Variants in NCALD observed in about 807,000 individuals in gnomAD.
The protein encoded by NCALD is neurocalcin delta, also known as neurocalcin-delta.
A neutral mutation model predicts 18.6 loss-of-function variants in NCALD; 10 were observed. The ratio of observed to expected loss-of-function variants is 0.54; its 90% confidence interval spans 0.33 to 0.91. The LOEUF (loss-of-function observed/expected upper bound fraction) is 0.91, where lower values mean the gene tolerates loss of function less well. NCALD is among the 40% of genes least tolerant of loss of function. The pLI is 0.03. For missense variants in NCALD, 184 were observed against 247.6 expected (o/e 0.74, Z 1.72); for synonymous variants, 88 against 87.4 (o/e 1.01, Z -0.04).
intron 2 of NCALD, among the ~76,000 whole-genome samples, chr8:101,921,989 G>C (rs2131655913): frequency 6.6e-6 from 1 of 151,610 alleles, no homozygotes; most frequent in South Asian, 2.1e-4. Context: ...TATTGCCCAG[G>C]CTGGAATGCA....
intron 3 of NCALD, among the ~76,000 whole-genome samples, chr8:101,906,730 T>G (rs925513271): frequency 2.0e-5 from 3 of 152,142 alleles, no homozygotes; most frequent in African/African-American, 7.2e-5. Context: ...ACAGAGTGGG[T>G]CAAGAGAAAA....
Position 101,697,630 on chromosome 8 carries a change from C to T in NCALD, c.379-4734G>A, listed in dbSNP as rs563906767. Among the ~76,000 whole-genome samples, 5 of 152,142 alleles carry T rather than the reference C, an allele frequency of 3.3e-5. No individual in the cohort carries two copies. The East Asian group carries it at 9.7e-4, about 29-fold the overall frequency. On this transcript the variant is annotated intron_variant, in intron 2 of 3. Transcript: ENST00000220931. ...GTTGGCTTCATCCCTGGGATGAAGGCTAGTTCAACATATGCAAATAAATAA... is the reference window on the plus strand; with the variant it reads ...GTTGGCTTCATCCCTGGGATGAAGGTTAGTTCAACATATGCAAATAAATAA...
At chr8:102,016,469 C>G (rs1470186702) in intron 2 of NCALD, among the ~76,000 whole-genome samples, 1 of 152,168 alleles carries the variant, frequency 6.6e-6, no homozygotes, top group Admixed American at 6.5e-5. Flanking sequence ...AAGAGGTCCC[C>G]TTTGTGGAGC....
Position 101,770,332 on chromosome 8 carries a change from T to C in NCALD, c.-20+20530A>G, listed in dbSNP as rs118080662. Among the ~76,000 whole-genome samples the C allele has an allele frequency of 9.2e-3, 1,403 of 152,314 alleles. 12 individuals carry two copies. The highest frequency in any genetic ancestry group is 0.013 in the Non-Finnish European group (887 of 68,018). ...AAGCAGCTGCATATGCTTGACATACTAGACTAACCCCTTAAAGAAATGTCA... is the reference window on the plus strand; with the variant it reads ...AAGCAGCTGCATATGCTTGACATACCAGACTAACCCCTTAAAGAAATGTCA... On this transcript the variant is annotated intron_variant, in intron 1 of 3. Coordinates refer to ENST00000220931, the MANE Select transcript of NCALD (RefSeq NM_032041.3).
intron 1 of NCALD, among the ~76,000 whole-genome samples, chr8:102,046,856 C>T (rs1823263654): frequency 6.7e-6 from 1 of 148,612 alleles, no homozygotes; most frequent in African/African-American, 2.5e-5. Context: ...AGGTTTGTTA[C>T]ATAGTTGTTA....
intron 1 of NCALD, among the ~76,000 whole-genome samples, chr8:101,766,352 A>T (rs1811346045): frequency 9.2e-6 from 1 of 109,230 alleles, no homozygotes. Flanking sequence ...CAAATTCGCC[A>T]GACAGAAAAA....
At chr8:101,919,100 G>A (rs1818073118) in intron 2 of NCALD, among the ~76,000 whole-genome samples, 1 of 152,116 alleles carries the variant, frequency 6.6e-6, no homozygotes, top group Non-Finnish European at 1.5e-5. Context: ...GAACAAAGCT[G>A]GAGGCATCAC....
intron 4 of NCALD, among the ~76,000 whole-genome samples, chr8:101,833,009 T>C (rs1378516498): frequency 6.6e-6 from 1 of 152,218 alleles, no homozygotes. Context: ...ATGGATATCA[T>C]GAAGCTTTCA....
intron 2 of NCALD, among the ~76,000 whole-genome samples, chr8:102,014,918 A>T (rs543492159): frequency 6.6e-6 from 1 of 152,250 alleles, no homozygotes; most frequent in Non-Finnish European, 1.5e-5. Flanking sequence ...CTGAGATGGG[A>T]CCTGTGATTC....
At chr8:101,755,700 C>A (rs543887874) in intron 1 of NCALD, among the ~76,000 whole-genome samples, 36 of 152,222 alleles carry the variant, frequency 2.4e-4, no homozygotes, top group Non-Finnish European at 4.7e-4. Flanking sequence ...CTCCTACAGC[C>A]TCACTGCTGT....
At chr8:102,031,921 C>T (rs1822687124) in intron 1 of NCALD, among the ~76,000 whole-genome samples, 2 of 152,204 alleles carry the variant, frequency 1.3e-5, no homozygotes, top group African/African-American at 2.4e-5. Flanking sequence ...CTAGAGTAAG[C>T]CCTATGTAAG....
intron 1 of NCALD, among the ~76,000 whole-genome samples, chr8:102,029,529 G>A (rs544247830): frequency 1.3e-4 from 20 of 152,252 alleles, no homozygotes; most frequent in Middle Eastern, 6.8e-3. Flanking sequence ...TTTCAAAATC[G>A]CCTTTATTCT....
chr8:101,717,525 T>G (rs1431066386), intron 2 of NCALD, among the ~76,000 whole-genome samples: 1 of 152,240 alleles, frequency 6.6e-6, no homozygotes, highest in Non-Finnish European at 1.5e-5. Flanking sequence ...GTTACTCATA[T>G]TAACAAATAG....
intron 4 of NCALD, among the ~76,000 whole-genome samples, chr8:101,855,154 C>T (rs941943187): frequency 4.6e-5 from 7 of 152,048 alleles, no homozygotes; most frequent in African/African-American, 1.7e-4. Context: ...GACCAGTATC[C>T]CTAACAGGAA....
chr8:101,844,423 C>CA (rs1386279204), intron 4 of NCALD, among the ~76,000 whole-genome samples: 1 of 151,364 alleles, frequency 6.6e-6, no homozygotes, highest in Non-Finnish European at 1.5e-5. Context: ...TGCAGTGGCA[C>CA]AATCAGCTCA....
rs527753998 is a variant in NCALD at position 101,972,699 on chromosome 8, C to A, written c.-157+47538G>T. On this transcript the variant is annotated intron_variant, in intron 2 of 6. Transcript: ENST00000311028. ...ACATAGTTTAGAAGTAGTTCAATGT[C>A]CATCGTGGGGAAAACATATAGTTAA... Among the ~76,000 whole-genome samples, 7 of 152,266 alleles carry A rather than the reference C, an allele frequency of 4.6e-5. No individual in the cohort carries two copies. The East Asian group carries it at 1.4e-3, about 29-fold the overall frequency.
intron 2 of NCALD, among the ~76,000 whole-genome samples, chr8:101,943,535 TG>T (rs1819038593): frequency 6.6e-6 from 1 of 152,082 alleles, no homozygotes; most frequent in Admixed American, 6.5e-5. Context: ...ACACAATATC[TG>T]GGGGCATGAC....
At chr8:101,971,602 C>T (rs927054703) in intron 2 of NCALD, among the ~76,000 whole-genome samples, 7 of 151,984 alleles carry the variant, frequency 4.6e-5, no homozygotes, top group South Asian at 2.1e-4. Flanking sequence ...TCCCTGGCAA[C>T]GTGGAACTGT....
intron 1 of NCALD, among the ~76,000 whole-genome samples, chr8:102,028,681 A>G (rs1822554878): frequency 6.6e-6 from 1 of 152,174 alleles, no homozygotes; most frequent in Non-Finnish European, 1.5e-5. Flanking sequence ...TCTCTTTTCT[A>G]CTAATTCCTT....
Sources: allele counts gnomAD v4.1 joint callset (sites outside exome capture counted in the v4.1 genomes callset), GRCh38; gene constraint gnomAD v4.1.1; transcripts MANE v1.5; gene names NCBI Gene and HGNC (gene_info 2026-07-23, HGNC 2026-07-21).